DRD3: variants seen among roughly 807,000 people sequenced by gnomAD.
DRD3 encodes D(3) dopamine receptor.
Under a neutral mutation model 36.3 loss-of-function variants are expected in DRD3, and 19 were observed. That is an observed-to-expected ratio of 0.52 (90% CI 0.36 to 0.77). DRD3 has a LOEUF of 0.77. Among genes scored for constraint, DRD3 ranks in the 30% least tolerant of loss-of-function variants. The pLI is 0.00. For missense variants in DRD3, 465 were observed against 505.3 expected (o/e 0.92, Z 0.77); for synonymous variants, 195 against 203.7 (o/e 0.96, Z 0.36).
rs536687662 is a variant in DRD3 at position 114,188,577 on chromosome 3, G to A, written c.-155-9801C>T. Among the ~76,000 whole-genome samples the A allele has an allele frequency of 2.6e-5, 4 of 152,240 alleles. No homozygotes were observed. In the East Asian group the frequency reaches 5.8e-4, roughly 22 times the overall value. On this transcript the variant is annotated intron_variant, in intron 1 of 7. Coordinates refer to the DRD3 transcript ENST00000460779. ...CTGACTTGCCTCATGTTCACAATAT[G>A]GCTGCACCAGCTACACGTATTCATA...
upstream of DRD3, among the ~76,000 whole-genome samples, chr3:114,181,320 G>A (rs139336570): frequency 5.6e-3 from 860 of 152,286 alleles, 7 homozygotes; most frequent in African/African-American, 0.019. Context: ...CTTGACCCCC[G>A]TGGTGAATGG....
At position 114,190,447 on chromosome 3, in the gene DRD3, TATATATATATATATA is replaced by T. The variant is rs1488739287; in HGVS notation, c.-156+8811_-156+8825del. ...ATATATATATATATATATATATATA[TATATATATATATATA>T]TTTTTTTTTTTTTTTTTTTTTTTTT... is the stretch of plus-strand genomic sequence containing the variant. On this transcript the variant is annotated intron_variant, in intron 1 of 7. Coordinates refer to the DRD3 transcript ENST00000460779. Among the ~76,000 whole-genome samples, 97 of 13,332 alleles carry T rather than the reference TATATATATATATATA, an allele frequency of 7.3e-3. 1 individual carries two copies. Among genetic ancestry groups the T allele is most frequent in the African/African-American group, 0.011 (24 of 2,250 alleles). The allele number at this position is 13,332 out of a possible 152,430, so 8.7% of individuals were successfully genotyped here.
upstream of DRD3, among the ~76,000 whole-genome samples, chr3:114,182,447 G>A (rs561733245): frequency 3.9e-4 from 60 of 152,148 alleles, no homozygotes; most frequent in African/African-American, 1.3e-3. Context: ...AGGTAGCAGA[G>A]TAATAGTAAG....
intron 3 of DRD3, among the ~76,000 whole-genome samples, chr3:114,148,110 T>C (rs2077584941): frequency 6.6e-6 from 1 of 152,144 alleles, no homozygotes. Context: ...GGAGATGAAC[T>C]CAGAAAGGGA....
At chr3:114,131,046 T>C in intron 6 of DRD3, 72 bp downstream of exon 6, 2 of 1,525,762 alleles carry the variant, frequency 1.3e-6, no homozygotes, top group Non-Finnish European at 1.8e-6. Context: ...TCCGATAGCA[T>C]CTTCTACCAG....
intron 6 of DRD3, among the ~76,000 whole-genome samples, chr3:114,129,648 G>C (rs996840874): frequency 2.0e-5 from 3 of 152,208 alleles, no homozygotes; most frequent in Non-Finnish European, 2.9e-5. Context: ...AGGAGTTCTA[G>C]TAAACTCCCT....
intron 1 of DRD3, among the ~76,000 whole-genome samples, chr3:114,191,025 A>G (rs932005951): frequency 6.6e-6 from 1 of 152,182 alleles, no homozygotes; most frequent in African/African-American, 2.4e-5. Flanking sequence ...CCAGAGTCCA[A>G]AGTCTCTGGC....
chr3:114,128,884 G>T lies in DRD3; in HGVS notation c.1035C>A (p.Phe345Leu). 6.2e-7 allele frequency: 1 copy of T among 1,607,356 alleles called. No homozygotes were observed. The highest frequency in any genetic ancestry group is 8.5e-7 in the Non-Finnish European group (1 of 1,176,778). ...LGAFIVCWLPFFLTHVLNTHC... is the reference protein window; with the variant it reads ...LGAFIVCWLPLFLTHVLNTHC... The stretch of plus-strand genomic sequence containing the variant: ...GGGTATTGAGAACATGGGTCAAGAA[G>T]AAGGGCAGCCAGCAGACAATGAAGG... The change falls in exon 7 of 7, where the codon TTC becomes TTA. Residue 345 changes from phenylalanine to leucine, a missense_variant. Physicochemically the swap from Phe to Leu is conservative, Grantham distance 22. Transcript: ENST00000383673.
intron 2 of DRD3, among the ~76,000 whole-genome samples, chr3:114,170,217 C>T (rs2107882196): frequency 6.6e-6 from 1 of 152,250 alleles, no homozygotes; most frequent in South Asian, 2.1e-4. Context: ...AAGTCCTCTC[C>T]CCAAAAAGTC....
chr3:114,169,053 T>C (rs1221596152), intron 2 of DRD3, among the ~76,000 whole-genome samples: 3 of 151,842 alleles, frequency 2.0e-5, no homozygotes, highest in Admixed American at 6.6e-5. Context: ...AGGGAGCTCT[T>C]AGGTATAATT....
intron 1 of DRD3, among the ~76,000 whole-genome samples, chr3:114,173,228 C>T (rs1197412694): frequency 1.3e-5 from 2 of 152,128 alleles, no homozygotes; most frequent in Non-Finnish European, 1.5e-5. Flanking sequence ...TCTTGGACTT[C>T]CCAGCCTTCA....
rs570612353 is a variant in DRD3, at chr3:114,166,186, G to A, written c.270+5537C>T. ...TTTTCAGTAGAGACGGGGTTTTACC[G>A]TGTTGGCCAGGCTGGTCTCAAACTC... On this transcript the variant is annotated intron_variant, in intron 2 of 6. Transcript: ENST00000383673. Among the ~76,000 whole-genome samples, 11 of 151,958 alleles carry A rather than the reference G, an allele frequency of 7.2e-5. No homozygotes were observed. The South Asian group carries it at 1.0e-3, about 14-fold the overall frequency.
chr3:114,143,972 T>G (rs1273517663), intron 4 of DRD3, among the ~76,000 whole-genome samples: 2 of 152,254 alleles, frequency 1.3e-5, no homozygotes, highest in Non-Finnish European at 2.9e-5. Context: ...ATGAAAGGGT[T>G]GGGCTGCTCA....
intron 5 of DRD3, among the ~76,000 whole-genome samples, chr3:114,138,823 G>C (rs925674163): frequency 6.6e-6 from 1 of 152,180 alleles, no homozygotes; most frequent in African/African-American, 2.4e-5. Context: ...GGCAGATGCT[G>C]TTTAATGTTA....
Position 114,127,734 on chromosome 3 carries a change from C to T in DRD3, c.*982G>A, listed in dbSNP as rs1437985454. Among the ~76,000 whole-genome samples, 1 of 152,190 alleles carries T rather than the reference C, an allele frequency of 6.6e-6. No individual in the cohort carries two copies. The highest frequency in any genetic ancestry group is 1.9e-4 in the East Asian group (1 of 5,196). ...GCATTGAGCTATGATGTTGCAACAG[C>T]TATGACATCATTAAGTGATAGAAAT... is the stretch of plus-strand genomic sequence containing the variant. On this transcript the variant is annotated 3_prime_UTR_variant, in exon 7 of 7. Coordinates refer to ENST00000383673, the MANE Select transcript of DRD3 (RefSeq NM_000796.6).
chr3:114,184,001 G>T (rs1477841208), upstream of DRD3, among the ~76,000 whole-genome samples: 7 of 151,998 alleles, frequency 4.6e-5, no homozygotes, highest in African/African-American at 1.4e-4. Flanking sequence ...TCTGTTGTTT[G>T]CTATTTGTTT....
chr3:114,190,574 G>A (rs1204688742), intron 1 of DRD3, among the ~76,000 whole-genome samples: 7 of 143,698 alleles, frequency 4.9e-5, no homozygotes, highest in African/African-American at 1.8e-4. Flanking sequence ...TGGACCTGAG[G>A]AAGTGCTCTG....
At chr3:114,153,074 T>C (rs2077633597) in intron 3 of DRD3, among the ~76,000 whole-genome samples, 2 of 152,364 alleles carry the variant, frequency 1.3e-5, no homozygotes, top group South Asian at 4.1e-4. Flanking sequence ...GGCAGTGTGC[T>C]TGGTGATTAA....
chr3:114,185,722 C>G (rs759672159), intron 1 of DRD3, among the ~76,000 whole-genome samples: 1 of 152,012 alleles, frequency 6.6e-6, no homozygotes, highest in Non-Finnish European at 1.5e-5. Context: ...GTCACCCAGG[C>G]TAGTGTGCAG....
Sources: gnomAD v4.1 joint callset for allele counts (sites outside exome capture counted in the v4.1 genomes callset) on GRCh38, gnomAD v4.1.1 for gene constraint, MANE v1.5 for transcripts, NCBI Gene and HGNC (gene_info 2026-07-23, HGNC 2026-07-21) for gene names.